The following SORCS1 variants were observed in gnomAD, a reference collection of about 807,000 sequenced individuals.
SORCS1 encodes the protein VPS10 domain-containing receptor SorCS1.
Under a neutral mutation model 146.1 loss-of-function variants are expected in SORCS1, and 60 were observed. The ratio of observed to expected loss-of-function variants is 0.41; its 90% CI spans 0.33 to 0.51. The LOEUF is 0.51. SORCS1 is among the 20% of genes least tolerant of loss of function. The pLI is 0.21. For missense variants in SORCS1, 1,352 were observed against 1,487.6 expected, an observed-to-expected ratio of 0.91 and a Z score of 1.50; for synonymous variants, 637 against 584.0, an observed-to-expected ratio of 1.09 and a Z score of -1.31.
At chr10:106,701,594 G>A (rs1291799138) in intron 8 of SORCS1, among the ~76,000 whole-genome samples, 2 of 152,184 alleles carry the variant, frequency 1.3e-5, no homozygotes, top group East Asian at 1.9e-4. Context: ...CAGGCTCAGC[G>A]GATGGAGAGA....
At chr10:107,178,034 G>A in the SORCS1 span, among the ~76,000 whole-genome samples, 2 of 152,098 alleles carry the variant, frequency 1.3e-5, no homozygotes, top group South Asian at 2.1e-4. Context: ...AGAGCATGAA[G>A]AATAGCTAAT....
Position 106,575,409 on chromosome 10 carries a change from T to C in SORCS1, c.*2011A>G, listed in dbSNP as rs1203888279. ...ACCCTCATTATCACCAGGGCCTGTGTTATACCCTGTTGGCTTAGGGACATA... is the reference window on the plus strand; with the variant it reads ...ACCCTCATTATCACCAGGGCCTGTGCTATACCCTGTTGGCTTAGGGACATA... On this transcript the variant is annotated 3_prime_UTR_variant, in exon 26 of 26. Coordinates refer to ENST00000263054, the MANE Select transcript of SORCS1 (RefSeq NM_052918.5). 6.6e-6 allele frequency: 1 copy of C among 152,212 alleles called. No individual in the cohort carries two copies. The highest frequency in any genetic ancestry group is 2.4e-5 in the African/African-American group (1 of 41,440). 9.4% of individuals were successfully genotyped at this position (152,212 alleles called of 1,614,324 possible).
At chr10:106,616,818 A>G (rs1247482770) in intron 21 of SORCS1, among the ~76,000 whole-genome samples, 1 of 152,254 alleles carries the variant, frequency 6.6e-6, no homozygotes, top group Non-Finnish European at 1.5e-5. Flanking sequence ...TGGCAAGATG[A>G]GCATTAACAG....
chr10:106,711,376 A>G (rs751907019), intron 6 of SORCS1, among the ~76,000 whole-genome samples: 5 of 152,222 alleles, frequency 3.3e-5, no homozygotes, highest in Non-Finnish European at 7.3e-5. Flanking sequence ...GGGGAATAGT[A>G]TGTAGAGATA....
At chr10:106,754,479 T>C (rs1016267174) in intron 5 of SORCS1, among the ~76,000 whole-genome samples, 3 of 152,234 alleles carry the variant, frequency 2.0e-5, no homozygotes, top group Non-Finnish European at 4.4e-5. Context: ...TGCATTTTTC[T>C]ATCACATATC....
At chr10:106,689,521 C>A (rs981300503) in intron 9 of SORCS1, among the ~76,000 whole-genome samples, 14 of 152,086 alleles carry the variant, frequency 9.2e-5, no homozygotes, top group African/African-American at 3.1e-4. Context: ...GGCTAGCAAG[C>A]CTATTTGAAC....
At chr10:106,936,991 A>G (rs1349867253) in intron 2 of SORCS1, among the ~76,000 whole-genome samples, 1 of 152,212 alleles carries the variant, frequency 6.6e-6, no homozygotes, top group Non-Finnish European at 1.5e-5. Flanking sequence ...ATGCAGAAGT[A>G]CTAATAACCC....
At chr10:107,063,127 T>C (rs17195732) in intron 1 of SORCS1, among the ~76,000 whole-genome samples, 1,587 of 152,302 alleles carry the variant, frequency 0.01, 15 homozygotes, top group South Asian at 0.028. Context: ...TACATGCTTA[T>C]GCACATCTGT....
In SORCS1 at chr10:106,618,214, G is replaced by A. The variant is rs757823144; in HGVS notation, c.2855C>T (p.Thr952Ile). The change falls in exon 21 of 26, where the codon ACC (threonine) becomes ATC (isoleucine). Residue 952 changes from threonine (T) to isoleucine (I), a missense_variant. Around this residue, in one of 3 missense-constraint regions of SORCS1, gnomAD observed 648 missense variants for 793.8 expected, o/e 0.82. Coordinates refer to ENST00000263054, the MANE Select transcript of SORCS1 (RefSeq NM_052918.5). ...SFRFTSEGMN[T>I]ITVQVSAGNA... ...CCCAGCTGAGACCTGCACTGTGATGGTATTCATTCCTTCTGAAGTAAATCT... is the reference window on the plus strand; with the variant it reads ...CCCAGCTGAGACCTGCACTGTGATGATATTCATTCCTTCTGAAGTAAATCT... 1.9e-6 allele frequency: 3 copies of A among 1,614,050 alleles called. No homozygotes were observed. Among genetic ancestry groups the A allele is most frequent in the Non-Finnish European group, 2.5e-6 (3 of 1,179,966 alleles).
chr10:106,629,904 C>T (rs1438713503), intron 18 of SORCS1, among the ~76,000 whole-genome samples: 6 of 152,170 alleles, frequency 3.9e-5, no homozygotes, highest in South Asian at 2.1e-4. Context: ...ATTAGCTGGG[C>T]GTGGTGGCGC....
intron 5 of SORCS1, among the ~76,000 whole-genome samples, chr10:106,748,680 A>T (rs1298173710): frequency 6.6e-6 from 1 of 152,158 alleles, no homozygotes; most frequent in Non-Finnish European, 1.5e-5. Context: ...TTATGATAAC[A>T]TTACATGCCA....
At chr10:107,085,957 G>A (rs563630626) in intron 1 of SORCS1, among the ~76,000 whole-genome samples, 67 of 152,268 alleles carry the variant, frequency 4.4e-4, no homozygotes, top group African/African-American at 1.4e-3. Flanking sequence ...TTTCCAAGCC[G>A]TATTGTTGAA....
At chr10:106,718,545 A>C (rs1338478202) in intron 6 of SORCS1, among the ~76,000 whole-genome samples, 2 of 152,250 alleles carry the variant, frequency 1.3e-5, no homozygotes, top group African/African-American at 4.8e-5. Context: ...TCATAAAGGT[A>C]ATGCAGACCC....
At chr10:106,879,133 G>C (rs1368332984) in intron 2 of SORCS1, among the ~76,000 whole-genome samples, 1 of 142,622 alleles carries the variant, frequency 7.0e-6, no homozygotes, top group South Asian at 2.3e-4. Context: ...CTGGGCGACA[G>C]AGTGAGACTC....
chr10:106,915,266 C>A (rs1033917835), intron 2 of SORCS1, among the ~76,000 whole-genome samples: 2 of 152,178 alleles, frequency 1.3e-5, no homozygotes, highest in African/African-American at 4.8e-5. Flanking sequence ...ATCTTTGACA[C>A]CTCTATCCCT....
chr10:107,052,028 C>A (rs1471385899), intron 1 of SORCS1, among the ~76,000 whole-genome samples: 3 of 152,168 alleles, frequency 2.0e-5, no homozygotes, highest in Non-Finnish European at 2.9e-5. Context: ...AGTCTAGCCT[C>A]AGCCTAGGCT....
chr10:106,860,603 G>A (rs1949970373), intron 2 of SORCS1, among the ~76,000 whole-genome samples: 1 of 152,208 alleles, frequency 6.6e-6, no homozygotes, highest in Non-Finnish European at 1.5e-5. Context: ...ATGCCACATA[G>A]GAGTGATGAA....
chr10:106,609,955 G>C (rs111571411), intron 22 of SORCS1, among the ~76,000 whole-genome samples: 1 of 152,160 alleles, frequency 6.6e-6, no homozygotes, highest in East Asian at 1.9e-4. Flanking sequence ...ATGGACAGTG[G>C]GTTCGTTAAA....
At position 106,960,010 on chromosome 10, in the gene SORCS1, CCACA is replaced by C. The variant is rs1401853464; in HGVS notation, c.559-3434_559-3431del. ...AAAATGCATATGAACATATATACCCCCACACAAAGTGGCATATCCATCAGCACCC... is the reference window on the plus strand; with the variant it reads ...AAAATGCATATGAACATATATACCCCCAAAGTGGCATATCCATCAGCACCC... On this transcript the variant is annotated intron_variant, in intron 1 of 25. Coordinates refer to ENST00000263054, the MANE Select transcript of SORCS1 (RefSeq NM_052918.5). This position sits in a 1 kb window ranked among gnomAD's most constrained non-coding sequence, Gnocchi z 4.4. Among the ~76,000 whole-genome samples the C allele has an allele frequency of 6.6e-6, 1 of 152,114 alleles. No homozygotes were observed. Among genetic ancestry groups the C allele is most frequent in the Non-Finnish European group, 1.5e-5 (1 of 68,016 alleles).
Sources: allele counts gnomAD v4.1 joint callset (sites outside exome capture counted in the v4.1 genomes callset), GRCh38; gene constraint gnomAD v4.1.1; regional missense constraint gnomAD v4.1.1; non-coding constraint Gnocchi (gnomAD v3.1); transcripts MANE v1.5; gene names NCBI Gene and HGNC (gene_info 2026-07-23, HGNC 2026-07-21).